RIPPLY3: variants seen among roughly 807,000 people sequenced by gnomAD.
The protein encoded by RIPPLY3 is protein ripply3.
RIPPLY3 carries 8 observed loss-of-function variants against 11.9 expected under a neutral mutation model. The ratio of observed to expected loss-of-function variants is 0.67; its 90% CI spans 0.40 to 1.21. The LOEUF is 1.21. Among genes scored for constraint, RIPPLY3 ranks in the 50% most tolerant of loss-of-function variants. RIPPLY3 has a pLI of 0.01. For synonymous variants in RIPPLY3, 102 were observed against 99.0 expected (o/e 1.03, Z -0.18); for missense variants, 271 against 246.0 (o/e 1.10, Z -0.68).
intron 2 of RIPPLY3, 133 bp from the exon 3 acceptor site, chr21:37,013,418 T>G: frequency 3.2e-6 from 2 of 617,836 alleles, no homozygotes; most frequent in East Asian, 5.6e-5. Context: ...ACTGATAAGG[T>G]GTCTAAACTC....
intron 2 of RIPPLY3, among the ~76,000 whole-genome samples, chr21:37,010,992 AT>A (rs34506897): frequency 0.21 from 30,529 of 148,496 alleles, 3,408 homozygotes; most frequent in South Asian, 0.36. Flanking sequence ...TATTTATGGC[AT>A]TTTTTTTTTT....
chr21:37,007,400 CTTTTTTTTTTT>C (rs895853940), intron 1 of RIPPLY3, among the ~76,000 whole-genome samples: 6 of 86,272 alleles, frequency 7.0e-5, no homozygotes, highest in African/African-American at 1.5e-4. Flanking sequence ...AAGATTCCCT[CTTTTTTTTTTT>C]TTTTTTTTTT....
chr21:37,018,498 C>T lies in RIPPLY3; in HGVS notation c.*291C>T. The T allele has an allele frequency of 2.5e-6, 1 of 396,956 alleles. No individual in the cohort carries two copies. Among genetic ancestry groups the T allele is most frequent in the Non-Finnish European group, 4.6e-6 (1 of 218,708 alleles). 24.6% of individuals were successfully genotyped at this position (396,956 alleles called of 1,614,324 possible). On this transcript the variant is annotated 3_prime_UTR_variant, in exon 4 of 4. Coordinates refer to ENST00000329553, the MANE Select transcript of RIPPLY3 (RefSeq NM_018962.3). ...ATAGAGCCAGTTTTCAAAGCTCCTT[C>T]TGCATTGTCACTCACTGATCAGGTG...
In RIPPLY3 at chr21:37,018,146, G is replaced by A. The variant is rs749383672; in HGVS notation, c.512G>A (p.Gly171Glu). ...TCCTCAGGAGGGGGTGACCACTGGG[G>A]GGAGGGTCCGCTCCCTCAAGGTGTC... ...QRSSGGGDHW[G>E]EGPLPQGVSS... The change falls in exon 4 of 4, where the codon GGG becomes GAG. Residue 171 changes from glycine (G) to glutamate (E), a missense_variant. Transcript: ENST00000329553. 6.8e-6 allele frequency: 11 copies of A among 1,613,964 alleles called. No individual in the cohort carries two copies. The Admixed American group carries it at 8.3e-5, about 12-fold the overall frequency.
intron 3 of RIPPLY3, 70 bp downstream of exon 3, chr21:37,013,688 C>A: frequency 9.2e-7 from 1 of 1,090,894 alleles, no homozygotes; most frequent in Non-Finnish European, 1.4e-6. Flanking sequence ...GCTTTAGTGT[C>A]TTCAACCACA....
chr21:37,014,365 G>A (rs1327443749), intron 3 of RIPPLY3, among the ~76,000 whole-genome samples: 8 of 152,116 alleles, frequency 5.3e-5, no homozygotes, highest in African/African-American at 1.9e-4. Context: ...CTCCAGCACA[G>A]TGGGTGCCGT....
At chr21:37,008,763 A>T (rs1230445769) in intron 2 of RIPPLY3, among the ~76,000 whole-genome samples, 1 of 151,542 alleles carries the variant, frequency 6.6e-6, no homozygotes. Flanking sequence ...TCTCAAAAAA[A>T]AAAAAAAAAA....
chr21:37,013,535 G>T lies in RIPPLY3; in HGVS notation c.172-16G>T. Reference sequence around the variant, plus strand: ...TCCTGCACTGTCTCTGTGTTTGTATGTGTCTGTCGTTACAGCTTGAACCTA... The same window carrying T: ...TCCTGCACTGTCTCTGTGTTTGTATTTGTCTGTCGTTACAGCTTGAACCTA... On this transcript the variant is annotated splice_polypyrimidine_tract_variant and intron_variant, in intron 2 of 3. Coordinates refer to ENST00000329553, the MANE Select transcript of RIPPLY3 (RefSeq NM_018962.3). 1 of 1,611,972 alleles carries T rather than the reference G, an allele frequency of 6.2e-7. No individual in the cohort carries two copies. Among genetic ancestry groups the T allele is most frequent in the East Asian group, 2.2e-5 (1 of 44,794 alleles).
Position 37,006,818 on chromosome 21 carries a change from G to T in RIPPLY3, c.46G>T (p.Gly16Cys), listed in dbSNP as rs1434548556. Residue 16 changes from glycine (G) to cysteine (C), a missense_variant, in exon 1 of 4, where the codon GGC becomes TGC. By Grantham distance (159) the Gly-to-Cys change is radical. Transcript: ENST00000329553. This position sits in a 1 kb window ranked among gnomAD's most constrained non-coding sequence, Gnocchi z 5.2. ...CGGAGCCCGGAAGGCGCGGGGGCGCGGCTGTCACTGCCCCGGGGACGCTCC... is the reference window on the plus strand; with the variant it reads ...CGGAGCCCGGAAGGCGCGGGGGCGCTGCTGTCACTGCCCCGGGGACGCTCC... Reference protein sequence around the residue: ...AAGARKARGRGCHCPGDAPWR... With the variant: ...AAGARKARGRCCHCPGDAPWR... The T allele has an allele frequency of 5.7e-6, 7 of 1,229,696 alleles. No individual in the cohort carries two copies. The African/African-American group carries it at 7.8e-5, about 14-fold the overall frequency. 76.2% of individuals were successfully genotyped at this position (1,229,696 alleles called of 1,614,324 possible).
chr21:37,013,442 T>A (rs973425173), intron 2 of RIPPLY3, 109 bp from the exon 3 acceptor site: 3 of 805,752 alleles, frequency 3.7e-6, no homozygotes, highest in Non-Finnish European at 6.1e-6. Flanking sequence ...AAAATTGGTA[T>A]TGATATGACC....
rs140433043 is a variant in RIPPLY3, at chr21:37,018,144, G to T, written c.510G>T (p.Trp170Cys). The change falls in exon 4 of 4, where the codon TGG becomes TGT. Residue 170 changes from tryptophan to cysteine, a missense_variant. Physicochemically the swap from Trp to Cys is radical, Grantham distance 215. Transcript: ENST00000329553. The stretch of plus-strand genomic sequence containing the variant: ...GATCCTCAGGAGGGGGTGACCACTG[G>T]GGGGAGGGTCCGCTCCCTCAAGGTG... ...GQRSSGGGDH[W>C]GEGPLPQGVS... 2.2e-5 allele frequency: 35 copies of T among 1,613,958 alleles called. No individual in the cohort carries two copies. The highest frequency in any genetic ancestry group is 1.6e-4 in the African/African-American group (12 of 75,032).
chr21:37,008,466 C>G (rs2069488330), intron 2 of RIPPLY3, among the ~76,000 whole-genome samples: 1 of 151,942 alleles, frequency 6.6e-6, no homozygotes, highest in South Asian at 2.1e-4. Context: ...ACTATAAAAG[C>G]ATAATCGTAG....
In RIPPLY3 at chr21:37,006,815, C is replaced by T. The variant is rs1242962360; in HGVS notation, c.43C>T (p.Arg15Cys). Residue 15 changes from arginine (R) to cysteine (C), a missense_variant, in exon 1 of 4, where the codon CGC (arginine) becomes TGC (cysteine). Coordinates refer to ENST00000329553, the MANE Select transcript of RIPPLY3 (RefSeq NM_018962.3). The surrounding 1 kb of genome is among the most constrained non-coding windows in gnomAD (Gnocchi z 5.2). ...GGCCGGAGCCCGGAAGGCGCGGGGG[C>T]GCGGCTGTCACTGCCCCGGGGACGC... is the stretch of plus-strand genomic sequence containing the variant. ...AAAGARKARGRGCHCPGDAPW... is the reference protein window; with the variant it reads ...AAAGARKARGCGCHCPGDAPW... The T allele has an allele frequency of 6.5e-6, 8 of 1,229,992 alleles. No homozygotes were observed. Among genetic ancestry groups the T allele is most frequent in the East Asian group, 3.2e-5 (1 of 31,198 alleles). The allele number at this position is 1,229,992 out of a possible 1,614,324, so 76.2% of individuals were successfully genotyped here. A position where few individuals can be genotyped will look rare whatever the true frequency, so the allele number is the denominator to read the frequency against.
At chr21:37,008,749 C>CT (rs773438472) in intron 2 of RIPPLY3, among the ~76,000 whole-genome samples, 14 of 103,286 alleles carry the variant, frequency 1.4e-4, no homozygotes, top group Non-Finnish European at 1.8e-5. Flanking sequence ...CAGAGCAAGA[C>CT]TCATCTCAAA....
At chr21:37,015,086 C>G (rs566803448) in intron 3 of RIPPLY3, among the ~76,000 whole-genome samples, 3 of 152,280 alleles carry the variant, frequency 2.0e-5, no homozygotes, top group Admixed American at 2.0e-4. Flanking sequence ...AATACAGATG[C>G]CTGGGTGGTT....
rs1264434106 is a variant in RIPPLY3, at chr21:37,008,224, G to T, written c.171+1G>T. On this transcript the variant is annotated splice_donor_variant, in intron 2 of 3. Coordinates refer to ENST00000329553, the MANE Select transcript of RIPPLY3 (RefSeq NM_018962.3). LOFTEE classifies it high-confidence loss of function. ...TGAGCTGACCAGAACTGGAAGGCCG[G>T]TAAGGTTCAGTGCGGGCGTTGTAGG... 6.2e-7 allele frequency: 1 copy of T among 1,614,120 alleles called. No individual in the cohort carries two copies. Among genetic ancestry groups the T allele is most frequent in the Non-Finnish European group, 8.5e-7 (1 of 1,180,008 alleles).
At chr21:37,012,460 T>G (rs1268468447) in intron 2 of RIPPLY3, among the ~76,000 whole-genome samples, 1 of 151,940 alleles carries the variant, frequency 6.6e-6, no homozygotes, top group African/African-American at 2.4e-5. Flanking sequence ...AGGCTGGTCT[T>G]GAACTCCTCA....
chr21:37,006,696 G>A (rs1381110381), upstream of RIPPLY3: 1 of 968,660 alleles, frequency 1.0e-6, no homozygotes, highest in Non-Finnish European at 1.3e-6. This position sits in a 1 kb window ranked among gnomAD's most constrained non-coding sequence, Gnocchi z 5.2. Flanking sequence ...GCGGGTAGGT[G>A]AGCGCGTTAG....
chr21:37,013,634 A>G lies in RIPPLY3; in HGVS notation c.239+16A>G. 1.3e-6 allele frequency: 2 copies of G among 1,595,816 alleles called. No individual in the cohort carries two copies. The highest frequency in any genetic ancestry group is 1.7e-6 in the Non-Finnish European group (2 of 1,164,298). On this transcript the variant is annotated intron_variant, in intron 3 of 3. Coordinates refer to ENST00000329553, the MANE Select transcript of RIPPLY3 (RefSeq NM_018962.3). ...ATCCTGTAAGGTAATATACGACTTC[A>G]CAATAAGTAATCTGTAATTTCCTTT...
Sources: gnomAD v4.1 joint callset for allele counts (sites outside exome capture counted in the v4.1 genomes callset) on GRCh38, gnomAD v4.1.1 for gene constraint, Gnocchi (gnomAD v3.1) non-coding constraint, MANE v1.5 for transcripts, NCBI Gene and HGNC (gene_info 2026-07-23, HGNC 2026-07-21) for gene names.